The following FHL1 variants were observed in gnomAD, a reference collection of about 807,000 sequenced individuals.
The protein encoded by FHL1 is four and a half LIM domains 1, also known as four and a half LIM domains protein 1.
FHL1 carries 1 observed loss-of-function variant against 20.3 expected under a neutral mutation model. The observed-to-expected ratio is 0.05, with a 90% CI of 0.02 to 0.23. The LOEUF (loss-of-function observed/expected upper bound fraction) is 0.23. Ranked by LOEUF, FHL1 falls within the 10% of genes least tolerant of loss-of-function variation. The pLI, the probability that FHL1 is intolerant of heterozygous loss-of-function variation, is 1.00. For missense variants in FHL1, 177 were observed against 234.0 expected (o/e 0.76, Z 1.59); for synonymous variants, 82 against 88.9 (o/e 0.92, Z 0.44).
In FHL1 at chrX:136,198,666, A is replaced by G. The variant is rs1334576114; in HGVS notation, c.22+1532A>G. ...GCAAAATAGAAGCTAGGATAATTGG[A>G]TCCAAATCCATTTTTAGTGACTATC... On this transcript the variant is annotated intron_variant, in intron 1 of 5. Coordinates refer to ENST00000370683, the MANE Select transcript of FHL1 (RefSeq NM_001159699.2). 3.6e-5 allele frequency among the ~76,000 whole-genome samples: 4 copies of G among 112,216 alleles called. No homozygotes were observed. In the Admixed American group the frequency reaches 3.8e-4, roughly 11 times the overall value.
intron 1 of FHL1, among the ~76,000 whole-genome samples, chrX:136,152,719 C>CAAAAA (rs768022110): frequency 1.9e-5 from 1 of 53,014 alleles, no homozygotes; most frequent in African/African-American, 8.2e-5. Flanking sequence ...GACTCCATCT[C>CAAAAA]AAAAAAAAAA....
intron 1 of FHL1, among the ~76,000 whole-genome samples, chrX:136,164,488 C>T (rs1291424345): frequency 8.1e-5 from 9 of 111,375 alleles, no homozygotes; most frequent in African/African-American, 2.6e-4. Flanking sequence ...ATTCTATTTT[C>T]GATGGCTTTT....
At chrX:136,172,410 A>G (rs754762639) in intron 2 of FHL1, among the ~76,000 whole-genome samples, 4 of 112,550 alleles carry the variant, frequency 3.6e-5, no homozygotes, top group Non-Finnish European at 5.6e-5. Flanking sequence ...TTTGCAGACA[A>G]GGAAACTGAA....
intron 2 of FHL1, among the ~76,000 whole-genome samples, chrX:136,177,862 C>A (rs2073046214): frequency 8.9e-6 from 1 of 112,162 alleles, no homozygotes; most frequent in South Asian, 3.7e-4. Context: ...TATTAATAGG[C>A]AAAGATTTGA....
chrX:136,175,424 G>A (rs2072977115), intron 2 of FHL1, among the ~76,000 whole-genome samples: 1 of 112,128 alleles, frequency 8.9e-6, no homozygotes, highest in Non-Finnish European at 1.9e-5. Context: ...ATGCCTAAAG[G>A]CACAAAGATT....
At chrX:136,154,999 G>C (rs565547280) in intron 1 of FHL1, among the ~76,000 whole-genome samples, 1 of 112,155 alleles carries the variant, frequency 8.9e-6, no homozygotes, top group African/African-American at 3.2e-5. Flanking sequence ...GAGCCACCAC[G>C]CCCGGCCTTA....
At chrX:136,178,581 G>A (rs750211840) in intron 2 of FHL1, among the ~76,000 whole-genome samples, 2 of 97,544 alleles carry the variant, frequency 2.1e-5, no homozygotes, top group Non-Finnish European at 4.3e-5. Context: ...GGGTGATAGA[G>A]TGAGACTCTG....
At chrX:136,202,225 C>T (rs947205347) in intron 1 of FHL1, among the ~76,000 whole-genome samples, 43 of 110,727 alleles carry the variant, frequency 3.9e-4, no homozygotes, top group African/African-American at 1.3e-3. Context: ...ATTAGCCAGG[C>T]GTGGTGGCAT....
At chrX:136,191,840 A>G (rs2073437165) in intron 2 of FHL1, among the ~76,000 whole-genome samples, 1 of 111,795 alleles carries the variant, frequency 8.9e-6, no homozygotes. Context: ...CCAGCTGGGT[A>G]AATTATAGAA....
intron 2 of FHL1, among the ~76,000 whole-genome samples, chrX:136,188,636 GGACATAC>G (rs1443680098): frequency 9.0e-6 from 1 of 111,160 alleles, no homozygotes; most frequent in African/African-American, 3.3e-5. Flanking sequence ...GGGTCATTAT[GGACATAC>G]GGCAATGGTC....
At chrX:136,164,439 T>G (rs1429822294) in intron 1 of FHL1, among the ~76,000 whole-genome samples, 1 of 111,302 alleles carries the variant, frequency 9.0e-6, no homozygotes, top group Admixed American at 9.6e-5. Context: ...CCTCCCAAAG[T>G]GCTGGGATTA....
At chrX:136,162,335 C>T (rs755127774) in intron 1 of FHL1, among the ~76,000 whole-genome samples, 7 of 110,515 alleles carry the variant, frequency 6.3e-5, no homozygotes, top group African/African-American at 2.3e-4. Flanking sequence ...CACTCTGGGT[C>T]TCAGTTTATA....
At chrX:136,205,756 T>C (rs1458437268) in intron 1 of FHL1, among the ~76,000 whole-genome samples, 1 of 111,588 alleles carries the variant, frequency 9.0e-6, no homozygotes, top group Non-Finnish European at 1.9e-5. Context: ...TTCTGATGAA[T>C]AGAATTTTAT....
At chrX:136,197,012 G>A, upstream of FHL1, 1 of 1,064,605 alleles carries the variant, frequency 9.4e-7, no homozygotes, top group East Asian at 3.0e-5. Context: ...TGTGTTAGCC[G>A]CTTCCCCTTA....
intron 1 of FHL1, among the ~76,000 whole-genome samples, chrX:136,148,908 T>A (rs2072186880): frequency 1.8e-5 from 2 of 112,368 alleles, no homozygotes; most frequent in Non-Finnish European, 3.8e-5. Context: ...GTAGAAGTAG[T>A]AGAATAAGCG....
intron 5 of FHL1, 54 bp from the exon 6 acceptor site, chrX:136,209,817 A>G (rs1244782497): frequency 1.7e-6 from 2 of 1,168,026 alleles, no homozygotes; most frequent in Admixed American, 4.5e-5. Flanking sequence ...CCTCACCTGT[A>G]TTCATTCAGC....
intron 2 of FHL1, among the ~76,000 whole-genome samples, chrX:136,187,184 T>G (rs1325089050): frequency 3.6e-5 from 4 of 110,224 alleles, no homozygotes; most frequent in African/African-American, 1.3e-4. Context: ...CTATCTTTTA[T>G]AAGCCCAGTA....
upstream of FHL1, among the ~76,000 whole-genome samples, chrX:136,165,593 C>T (rs948518878): frequency 1.8e-5 from 2 of 112,169 alleles, no homozygotes; most frequent in Admixed American, 9.5e-5. Context: ...ATTAAGGAAT[C>T]GTTACCATGA....
chrX:136,167,516 T>C (rs1281156213), upstream of FHL1, among the ~76,000 whole-genome samples: 1 of 111,390 alleles, frequency 9.0e-6, no homozygotes, highest in Non-Finnish European at 1.9e-5. Flanking sequence ...AAATAAGACA[T>C]TTCTTTGCCC....
Sources: allele counts gnomAD v4.1 joint callset (sites outside exome capture counted in the v4.1 genomes callset), GRCh38; gene constraint gnomAD v4.1.1; transcripts MANE v1.5; gene names NCBI Gene and HGNC (gene_info 2026-07-23, HGNC 2026-07-21).